The following MYO7A variants were observed in gnomAD, a reference collection of about 807,000 sequenced individuals.
The protein encoded by MYO7A is unconventional myosin-VIIa.
Under a neutral mutation model 263.8 loss-of-function variants are expected in MYO7A, and 210 were observed. The ratio of observed to expected loss-of-function variants is 0.80; its 90% CI spans 0.71 to 0.89. The LOEUF (loss-of-function observed/expected upper bound fraction) is 0.89. Among genes scored for constraint, MYO7A ranks in the 40% least tolerant of loss-of-function variants. MYO7A has a pLI of 0.00. For missense variants in MYO7A, 2,820 were observed against 2,968.3 expected (o/e 0.95, Z 1.16); for synonymous variants, 1,239 against 1,197.3 (o/e 1.03, Z -0.72).
At chr11:77,210,898 T>C (rs1225880142) in intron 44 of MYO7A, 3 of 462,626 alleles carry the variant, frequency 6.5e-6, no homozygotes, top group Middle Eastern at 5.6e-4. Flanking sequence ...TGGACTGTTA[T>C]GGGGGGACAT....
In MYO7A at chr11:77,156,991, G is replaced by T. The variant is rs111033284; in HGVS notation, c.722G>T (p.Arg241Leu). 6.2e-7 allele frequency: 1 copy of T among 1,613,206 alleles called. No individual in the cohort carries two copies. Among genetic ancestry groups the T allele is most frequent in the African/African-American group, 1.3e-5 (1 of 74,946 alleles). The change falls in exon 7 of 49, where the codon CGT (arginine) becomes CTT (leucine). Residue 241 changes from arginine to leucine, a missense_variant. Physicochemically the swap from Arg to Leu is moderately radical, Grantham distance 102 (BLOSUM62 -2). Transcript: ENST00000409709. ...GAGCAGTACCTGCTGGAAAAGTCAC[G>T]TGTCTGTCGCCAGGTGGGCCTGAGC... ...KIEQYLLEKS[R>L]VCRQALDERN...
chr11:77,174,382 C>A (rs1161853922), intron 16 of MYO7A, among the ~76,000 whole-genome samples: 1 of 152,228 alleles, frequency 6.6e-6, no homozygotes, highest in Non-Finnish European at 1.5e-5. Context: ...TCAAGATTCC[C>A]AGCAAAGTCC....
rs1957887865 is a variant in MYO7A at position 77,211,682 on chromosome 11, C to T, written c.6238-139C>T. 27 of 665,154 alleles carry T rather than the reference C, an allele frequency of 4.1e-5. No individual in the cohort carries two copies. The East Asian group carries it at 7.0e-4, about 17-fold the overall frequency. 41.2% of individuals were successfully genotyped at this position (665,154 alleles called of 1,614,324 possible). A position where few individuals can be genotyped will look rare whatever the true frequency, so the allele number is the denominator to read the frequency against. ...CTTCACAGTCCCCAGGTCTGCTGTC[C>T]TAGTCCTGGCCCTGAGGGTGCAGAC... On this transcript the variant is annotated intron_variant, in intron 45 of 48. Coordinates refer to ENST00000409709, the MANE Select transcript of MYO7A (RefSeq NM_000260.4).
Position 77,197,507 on chromosome 11 carries a change from T to A in MYO7A, c.4350T>A (p.Asp1450Glu). 6.2e-7 allele frequency: 1 copy of A among 1,605,694 alleles called. No individual in the cohort carries two copies. The highest frequency in any genetic ancestry group is 1.3e-5 in the African/African-American group (1 of 74,924). Reference sequence around the variant, plus strand: ...GGATTTATGCCCAGAGGAGAACTGATGCCCAGAAGGTCAAAGAGGATGTGG... The same window carrying A: ...GGATTTATGCCCAGAGGAGAACTGAAGCCCAGAAGGTCAAAGAGGATGTGG... Reference protein sequence around the residue: ...KKGIYAQRRTDAQKVKEDVVS... With the variant: ...KKGIYAQRRTEAQKVKEDVVS... Residue 1450 changes from aspartate to glutamate, a missense_variant, in exon 33 of 49, where the codon GAT (aspartate) becomes GAA (glutamate). Coordinates refer to ENST00000409709, the MANE Select transcript of MYO7A (RefSeq NM_000260.4).
rs1205669360 is a variant in MYO7A, at chr11:77,138,510, A to G, written c.19-4199A>G. ...CCTGTTAGAAGCTGGGCGGGCCACA[A>G]ACAGGGTCGCTAGGCTTCAGGGTGT... On this transcript the variant is annotated intron_variant, in intron 2 of 48. Transcript: ENST00000409709. This position sits in a 1 kb window ranked among gnomAD's most constrained non-coding sequence, Gnocchi z 4.9. 2.6e-5 allele frequency among the ~76,000 whole-genome samples: 4 copies of G among 152,192 alleles called. No homozygotes were observed. Among genetic ancestry groups the G allele is most frequent in the Non-Finnish European group, 5.9e-5 (4 of 68,014 alleles).
intron 26 of MYO7A, among the ~76,000 whole-genome samples, chr11:77,184,158 G>A (rs1322932514): frequency 6.6e-6 from 1 of 152,194 alleles, no homozygotes; most frequent in Non-Finnish European, 1.5e-5. Flanking sequence ...GGCTAAGGGT[G>A]TTGGTGACAG....
Position 77,209,391 on chromosome 11 carries a change from A to G in MYO7A, c.6051+588A>G, listed in dbSNP as rs376060749. On this transcript the variant is annotated intron_variant, in intron 44 of 48. Transcript: ENST00000409709. ...CTTTTCTGGGCTCAGCCTGCTTACC[A>G]TTCTGTGGGAGAAAAACCATGATGC... The G allele has an allele frequency of 3.5e-4, 53 of 153,258 alleles. No homozygotes were observed. The East Asian group carries it at 3.5e-3, about 10-fold the overall frequency. The allele number at this position is 153,258 out of a possible 1,614,324, so 9.5% of individuals were successfully genotyped here.
Position 77,194,468 on chromosome 11 carries a change from A to T in MYO7A, c.4267A>T (p.Thr1423Ser), listed in dbSNP as rs536676419. 3.7e-6 allele frequency: 6 copies of T among 1,609,554 alleles called. No individual in the cohort carries two copies. In the South Asian group the frequency reaches 4.5e-5, roughly 12 times the overall value. The part of the protein sequence containing the change: ...VPTYIPDREI[T>S]PLKTLEKWAQ... ...CACCTACATCCCCGACCGCGAGATCACGCCCCTGAAGACGCTGGAGAAGTG... is the reference window on the plus strand; with the variant it reads ...CACCTACATCCCCGACCGCGAGATCTCGCCCCTGAAGACGCTGGAGAAGTG... Residue 1423 changes from threonine (T) to serine (S), a missense_variant, in exon 32 of 49, where the codon ACG becomes TCG. Thr to Ser is a moderately conservative substitution (Grantham distance 58, BLOSUM62 1). Coordinates refer to ENST00000409709, the MANE Select transcript of MYO7A (RefSeq NM_000260.4).
At chr11:77,130,369 C>T (rs1555045705) in intron 1 of MYO7A, among the ~76,000 whole-genome samples, 4 of 152,230 alleles carry the variant, frequency 2.6e-5, no homozygotes, top group South Asian at 2.1e-4. Context: ...ATGACAGTGG[C>T]TGAGAGAAGA....
At position 77,172,914 on chromosome 11, in the gene MYO7A, G is replaced by T. The variant is rs1011381518; in HGVS notation, c.1935+29G>T. On this transcript the variant is annotated intron_variant, in intron 16 of 48. Coordinates refer to ENST00000409709, the MANE Select transcript of MYO7A (RefSeq NM_000260.4). Reference sequence around the variant, plus strand: ...AGTGGCCCTGGCCTGGGGTTGGCGGGTGGCGGCTAGGGTGACGTGGAGGAG... The same window carrying T: ...AGTGGCCCTGGCCTGGGGTTGGCGGTTGGCGGCTAGGGTGACGTGGAGGAG... 7.2e-6 allele frequency: 11 copies of T among 1,536,944 alleles called. No individual in the cohort carries two copies. The African/African-American group carries it at 1.5e-4, about 21-fold the overall frequency.
At chr11:77,129,623 T>C (rs1400366940) in intron 1 of MYO7A, among the ~76,000 whole-genome samples, 1 of 152,116 alleles carries the variant, frequency 6.6e-6, no homozygotes, top group African/African-American at 2.4e-5. Flanking sequence ...CTCGCCAACT[T>C]TGGGGGCAGA....
intron 24 of MYO7A, 96 bp downstream of exon 24, chr11:77,182,250 G>A: frequency 6.7e-7 from 1 of 1,495,578 alleles, no homozygotes; most frequent in Admixed American, 1.8e-5. Context: ...TGAGGGTGGT[G>A]GGTCCCTGGG....
chr11:77,214,309 C>G (rs919919125), intron 48 of MYO7A, among the ~76,000 whole-genome samples: 2 of 152,214 alleles, frequency 1.3e-5, no homozygotes, highest in Non-Finnish European at 2.9e-5. Context: ...CAAGCTCAAA[C>G]TTCCAAGGCA....
intron 3 of MYO7A, among the ~76,000 whole-genome samples, chr11:77,145,737 G>A (rs1470946372): frequency 2.0e-5 from 3 of 152,212 alleles, no homozygotes; most frequent in South Asian, 2.1e-4. Flanking sequence ...CCTGCCCTGC[G>A]TTGAAGTGCT....
At chr11:77,203,355 C>T in intron 38 of MYO7A, 138 bp downstream of exon 38, 4 of 986,566 alleles carry the variant, frequency 4.1e-6, no homozygotes, top group East Asian at 2.7e-5. Context: ...CTCCCTTGCA[C>T]CTTTTGATAT....
intron 15 of MYO7A, among the ~76,000 whole-genome samples, chr11:77,169,149 G>A (rs1326681526): frequency 6.6e-6 from 1 of 152,210 alleles, no homozygotes; most frequent in Non-Finnish European, 1.5e-5. Flanking sequence ...TACTAGTGTG[G>A]CAATGCTCCC....
At chr11:77,160,359 G>A in intron 11 of MYO7A, 77 bp downstream of exon 11, 1 of 1,500,248 alleles carries the variant, frequency 6.7e-7, no homozygotes, top group Non-Finnish European at 8.9e-7. Flanking sequence ...GTGCCAAGGA[G>A]TCCTGGGAGG....
chr11:77,195,424 C>T (rs1441108625), intron 32 of MYO7A, among the ~76,000 whole-genome samples: 5 of 152,186 alleles, frequency 3.3e-5, no homozygotes, highest in African/African-American at 7.2e-5. Context: ...CCTCACATGC[C>T]GGCAGCCACT....
chr11:77,182,383 T>C (rs1591383268), intron 24 of MYO7A, 41 bp from the exon 25 acceptor site: 1 of 1,557,700 alleles, frequency 6.4e-7, no homozygotes, highest in East Asian at 2.3e-5. Flanking sequence ...GCTTTAGCAA[T>C]GTCCTCCGCT....
Sources: gnomAD v4.1 joint callset for allele counts (sites outside exome capture counted in the v4.1 genomes callset) on GRCh38, gnomAD v4.1.1 for gene constraint, Gnocchi (gnomAD v3.1) non-coding constraint, MANE v1.5 for transcripts, NCBI Gene and HGNC (gene_info 2026-07-23, HGNC 2026-07-21) for gene names.